Variants in BTRC observed in about 807,000 individuals in gnomAD.
BTRC encodes the protein F-box/WD repeat-containing protein 1A.
Under a neutral mutation model 85.5 loss-of-function variants are expected in BTRC, and 42 were observed. The observed-to-expected ratio is 0.49, with a 90% CI of 0.38 to 0.64. The LOEUF (loss-of-function observed/expected upper bound fraction) is 0.64, where lower values mean the gene tolerates loss of function less well. Ranked by LOEUF, BTRC falls within the 30% of genes least tolerant of loss-of-function variation. BTRC has a pLI of 0.00. For synonymous variants in BTRC, 255 were observed against 263.3 expected (o/e 0.97, Z 0.30); for missense variants, 594 against 743.5 (o/e 0.80, Z 2.34).
chr10:101,505,644 T>A (rs568059333), intron 4 of BTRC, among the ~76,000 whole-genome samples: 4 of 133,480 alleles, frequency 3.0e-5, no homozygotes, highest in Admixed American at 1.5e-4. Flanking sequence ...AAAAAAATAA[T>A]AATAAAAAAA....
chr10:101,387,212 A>C (rs1406230828), intron 1 of BTRC, among the ~76,000 whole-genome samples: 1 of 151,826 alleles, frequency 6.6e-6, no homozygotes, highest in Non-Finnish European at 1.5e-5. Context: ...CATATTAAAA[A>C]TTTAACATAA....
chr10:101,378,367 T>G (rs1240936341), intron 1 of BTRC, among the ~76,000 whole-genome samples: 1 of 152,222 alleles, frequency 6.6e-6, no homozygotes, highest in Non-Finnish European at 1.5e-5. Context: ...ATCATTGGTA[T>G]GTTACTCCCA....
intron 1 of BTRC, among the ~76,000 whole-genome samples, chr10:101,374,826 G>T (rs1276835515): frequency 6.6e-6 from 1 of 151,884 alleles, no homozygotes; most frequent in Admixed American, 6.6e-5. Flanking sequence ...ATAAAAAGTA[G>T]GCTGAACTGA....
chr10:101,506,622 C>T (rs572639548), intron 4 of BTRC, among the ~76,000 whole-genome samples: 2 of 152,178 alleles, frequency 1.3e-5, no homozygotes, highest in East Asian at 3.9e-4. Flanking sequence ...GCCAACTCTG[C>T]CATAGTTAAA....
At chr10:101,385,883 A>G (rs1381315807) in intron 1 of BTRC, among the ~76,000 whole-genome samples, 1 of 151,774 alleles carries the variant, frequency 6.6e-6, no homozygotes, top group Admixed American at 6.6e-5. Flanking sequence ...TTTGCTGATA[A>G]TTATTATTTT....
intron 6 of BTRC, among the ~76,000 whole-genome samples, chr10:101,528,350 G>A (rs2062231365): frequency 6.6e-6 from 1 of 152,164 alleles, no homozygotes; most frequent in African/African-American, 2.4e-5. Flanking sequence ...GGCACTAAAT[G>A]GCAAGATCTT....
At chr10:101,519,452 G>A (rs2062070766) in intron 4 of BTRC, among the ~76,000 whole-genome samples, 1 of 152,042 alleles carries the variant, frequency 6.6e-6, no homozygotes, top group South Asian at 2.1e-4. Flanking sequence ...TTTTCTTACT[G>A]GCTGTCAGCT....
At chr10:101,369,242 G>T (rs909608603) in intron 1 of BTRC, among the ~76,000 whole-genome samples, 6 of 151,246 alleles carry the variant, frequency 4.0e-5, no homozygotes, top group Non-Finnish European at 8.8e-5. Context: ...TAAAGAGATG[G>T]GTTCTTGCCC....
At chr10:101,507,682 T>C (rs1946576693) in intron 4 of BTRC, among the ~76,000 whole-genome samples, 2 of 152,212 alleles carry the variant, frequency 1.3e-5, no homozygotes, top group Admixed American at 1.3e-4. Context: ...TTGGAATAAT[T>C]CATTAGATTA....
rs532379991 is a variant in BTRC, at chr10:101,553,982, T to C, written c.*859T>C. The C allele has an allele frequency of 9.8e-5, 15 of 152,320 alleles. No individual in the cohort carries two copies. The highest frequency in any genetic ancestry group is 6.5e-4 in the Admixed American group (10 of 15,280). The allele number at this position is 152,320 out of a possible 1,614,324, so 9.4% of individuals were successfully genotyped here. Reference sequence around the variant, plus strand: ...TGTGGCAACAGTGGATTCTCAGACATGATACTCTCATCATATTTGCAACTC... The same window carrying C: ...TGTGGCAACAGTGGATTCTCAGACACGATACTCTCATCATATTTGCAACTC... On this transcript the variant is annotated 3_prime_UTR_variant, in exon 15 of 15. Coordinates refer to ENST00000370187, the MANE Select transcript of BTRC (RefSeq NM_033637.4).
At chr10:101,532,781 TGTGTGTGTGCGCGTGTGC>T (rs1021907359) in intron 8 of BTRC, among the ~76,000 whole-genome samples, 153 bp from the exon 9 acceptor site, 1 of 80,584 alleles carries the variant, frequency 1.2e-5, no homozygotes, top group Non-Finnish European at 2.1e-5. Flanking sequence ...TGTGTGTGTG[TGTGTGTGTGCGCGTGTGC>T]GCGCGCGCGC....
intron 1 of BTRC, among the ~76,000 whole-genome samples, chr10:101,401,672 G>C (rs1027337791): frequency 1.3e-5 from 2 of 151,760 alleles, no homozygotes; most frequent in Non-Finnish European, 2.9e-5. Flanking sequence ...TACAAATATT[G>C]AGTGAATTAA....
intron 7 of BTRC, among the ~76,000 whole-genome samples, chr10:101,531,822 A>G (rs2062286207): frequency 6.6e-6 from 1 of 152,256 alleles, no homozygotes; most frequent in Admixed American, 6.5e-5. Flanking sequence ...ATGGTTTACT[A>G]ATAAGTAGAT....
intron 1 of BTRC, among the ~76,000 whole-genome samples, chr10:101,411,070 A>T (rs1414474471): frequency 6.9e-6 from 1 of 145,230 alleles, no homozygotes; most frequent in African/African-American, 2.6e-5. Context: ...ATCTCAGCTC[A>T]CTGCAACCTC....
At chr10:101,542,728 C>T (rs949146237) in intron 13 of BTRC, among the ~76,000 whole-genome samples, 3 of 152,246 alleles carry the variant, frequency 2.0e-5, no homozygotes, top group South Asian at 4.1e-4. Context: ...TGCGCCACCA[C>T]GTCCAGCTAA....
intron 1 of BTRC, among the ~76,000 whole-genome samples, chr10:101,404,997 TAAAAAAAA>T (rs34206285): frequency 8.1e-6 from 1 of 123,782 alleles, no homozygotes; most frequent in Admixed American, 8.4e-5. Context: ...GAATCCATCT[TAAAAAAAA>T]AAAAAAAAAA....
chr10:101,401,922 CAG>C lies in BTRC; in HGVS notation c.49-28421_49-28420del, dbSNP rs554951420. On this transcript the variant is annotated intron_variant, in intron 1 of 14. Transcript: ENST00000370187. ...CAAAAAAAGAAGGAAAAAAGAAAAA[CAG>C]AATGTTGATGTTAGAAAAATTTGGT... 1.5e-4 allele frequency among the ~76,000 whole-genome samples: 23 copies of C among 151,004 alleles called. No individual in the cohort carries two copies. The East Asian group carries it at 3.1e-3, about 20-fold the overall frequency.
chr10:101,415,590 G>A (rs1434200967), intron 1 of BTRC, among the ~76,000 whole-genome samples: 3 of 147,680 alleles, frequency 2.0e-5, no homozygotes, highest in South Asian at 4.3e-4. Flanking sequence ...TGCCCATGCT[G>A]GAGTGCAATG....
At position 101,534,872 on chromosome 10, in the gene BTRC, A is replaced by G. The variant is rs778159101; in HGVS notation, c.1309A>G (p.Lys437Glu). ...TGTCAATGTTGTAGACTTTGATGACAAGTACATTGTTTCTGCATCTGGGGA... is the reference window on the plus strand; with the variant it reads ...TGTCAATGTTGTAGACTTTGATGACGAGTACATTGTTTCTGCATCTGGGGA... ...AAVNVVDFDDKYIVSASGDRT... is the reference protein window; with the variant it reads ...AAVNVVDFDDEYIVSASGDRT... The change falls in exon 10 of 15, where the codon AAG becomes GAG. Residue 437 changes from lysine (K) to glutamate (E), a missense_variant. Transcript: ENST00000370187. The G allele has an allele frequency of 2.5e-6, 4 of 1,614,036 alleles. No individual in the cohort carries two copies. The highest frequency in any genetic ancestry group is 3.4e-6 in the Non-Finnish European group (4 of 1,180,004).
Sources: gnomAD v4.1 joint callset for allele counts (sites outside exome capture counted in the v4.1 genomes callset) on GRCh38, gnomAD v4.1.1 for gene constraint, MANE v1.5 for transcripts, NCBI Gene and HGNC (gene_info 2026-07-23, HGNC 2026-07-21) for gene names.